The following CDH12 variants were observed in gnomAD, a reference collection of about 807,000 sequenced individuals.
The protein encoded by CDH12 is cadherin-12.
In CDH12, 41 loss-of-function variants were observed where a neutral mutation model predicts 74.1. The observed-to-expected ratio is 0.55, with a 90% CI of 0.43 to 0.72. The LOEUF is 0.72. CDH12 is among the 30% of genes least tolerant of loss of function. The pLI, the probability that CDH12 is intolerant of heterozygous loss-of-function variation, is 0.00. For missense variants in CDH12, 945 were observed against 977.2 expected (o/e 0.97, Z 0.44); for synonymous variants, 399 against 355.0 (o/e 1.12, Z -1.39).
intron 3 of CDH12, among the ~76,000 whole-genome samples, chr5:22,378,750 T>C (rs1457977509): frequency 6.6e-6 from 1 of 152,126 alleles, no homozygotes; most frequent in Non-Finnish European, 1.5e-5. Flanking sequence ...AATTGTGTTA[T>C]GCTTTTTGAG....
At chr5:21,866,223 A>G (rs1463239561) in intron 6 of CDH12, among the ~76,000 whole-genome samples, 1 of 152,182 alleles carries the variant, frequency 6.6e-6, no homozygotes, top group Non-Finnish European at 1.5e-5. Flanking sequence ...GGACTAATAC[A>G]GCAAATTGGT....
intron 4 of CDH12, among the ~76,000 whole-genome samples, chr5:22,210,613 A>G (rs968331787): frequency 6.6e-6 from 1 of 152,110 alleles, no homozygotes; most frequent in African/African-American, 2.4e-5. Context: ...TTAAACATAG[A>G]TATTTCATTA....
chr5:22,465,145 T>C (rs1745677069), intron 2 of CDH12, among the ~76,000 whole-genome samples: 1 of 152,148 alleles, frequency 6.6e-6, no homozygotes, highest in Non-Finnish European at 1.5e-5. Flanking sequence ...CTAAATTCAA[T>C]ACTGACTTCT....
At chr5:22,384,091 A>T (rs1378285371) in intron 3 of CDH12, among the ~76,000 whole-genome samples, 1 of 152,074 alleles carries the variant, frequency 6.6e-6, no homozygotes, top group Non-Finnish European at 1.5e-5. Flanking sequence ...TAACTATTTT[A>T]TATCTGTCTG....
chr5:22,045,596 T>C (rs1031914883), intron 5 of CDH12, among the ~76,000 whole-genome samples: 1 of 133,614 alleles, frequency 7.5e-6, no homozygotes, highest in Non-Finnish European at 1.5e-5. Context: ...TGGTACACTA[T>C]TCAGCCAAAA....
intron 8 of CDH12, among the ~76,000 whole-genome samples, chr5:21,823,311 T>C (rs1748474357): frequency 6.6e-6 from 1 of 152,118 alleles, no homozygotes; most frequent in African/African-American, 2.4e-5. Flanking sequence ...CAAACAGAAG[T>C]AACCATATGA....
intron 1 of CDH12, among the ~76,000 whole-genome samples, chr5:22,575,867 AT>A (rs891002288): frequency 2.1e-4 from 31 of 150,214 alleles, no homozygotes; most frequent in Admixed American, 9.3e-4. Flanking sequence ...GCCTGGCCTT[AT>A]TTTTTTTTAT....
intron 6 of CDH12, among the ~76,000 whole-genome samples, chr5:21,953,736 G>A (rs1329006873): frequency 6.6e-6 from 1 of 152,112 alleles, no homozygotes; most frequent in Non-Finnish European, 1.5e-5. Flanking sequence ...ACTACAGTGT[G>A]ATAATGTTTT....
At chr5:22,501,688 G>A (rs1188144616) in intron 2 of CDH12, among the ~76,000 whole-genome samples, 1 of 150,308 alleles carries the variant, frequency 6.7e-6, no homozygotes, top group Admixed American at 6.6e-5. Context: ...ACCTGCCAGG[G>A]AATATCACAT....
intron 1 of CDH12, among the ~76,000 whole-genome samples, chr5:22,809,600 T>A (rs1368254967): frequency 3.3e-5 from 5 of 151,838 alleles, no homozygotes; most frequent in Non-Finnish European, 7.4e-5. Context: ...TTTAAAAAAA[T>A]AAATTGATTT....
intron 1 of CDH12, among the ~76,000 whole-genome samples, chr5:22,751,932 A>C (rs1283633741): frequency 2.7e-5 from 4 of 150,210 alleles, no homozygotes; most frequent in African/African-American, 4.9e-5. Context: ...GTATTCTCAG[A>C]GTATAGCCAG....
intron 5 of CDH12, among the ~76,000 whole-genome samples, chr5:21,979,167 T>C (rs1757200182): frequency 6.6e-6 from 1 of 152,206 alleles, no homozygotes; most frequent in Non-Finnish European, 1.5e-5. Flanking sequence ...AACTAACAGC[T>C]AGAAATATTT....
chr5:22,435,808 T>C (rs1744362913), intron 2 of CDH12, among the ~76,000 whole-genome samples: 1 of 151,940 alleles, frequency 6.6e-6, no homozygotes, highest in Non-Finnish European at 1.5e-5. Flanking sequence ...ACCTCCCAGA[T>C]CGATAAACTG....
chr5:22,243,537 G>A (rs542185549), intron 3 of CDH12, among the ~76,000 whole-genome samples: 1 of 152,244 alleles, frequency 6.6e-6, no homozygotes, highest in African/African-American at 2.4e-5. Context: ...ACAAAAAAAG[G>A]TATGCGGAAA....
At chr5:22,649,967 A>C (rs142574212) in intron 1 of CDH12, among the ~76,000 whole-genome samples, 5 of 152,114 alleles carry the variant, frequency 3.3e-5, no homozygotes, top group Admixed American at 3.3e-4. Flanking sequence ...TATTTTACCG[A>C]ATAGTTATAT....
chr5:22,049,873 A>C (rs981939250), intron 5 of CDH12, among the ~76,000 whole-genome samples: 2 of 152,092 alleles, frequency 1.3e-5, no homozygotes, highest in African/African-American at 4.8e-5. Flanking sequence ...TCCATATTCG[A>C]TGTATGCCCA....
At chr5:22,315,677 G>T (rs1270814222) in intron 3 of CDH12, among the ~76,000 whole-genome samples, 4 of 152,246 alleles carry the variant, frequency 2.6e-5, no homozygotes, top group South Asian at 4.2e-4. Flanking sequence ...CAAAAAAAAT[G>T]TATTTTTTAG....
chr5:22,837,720 C>G (rs1581050153), intron 1 of CDH12, among the ~76,000 whole-genome samples: 2 of 152,076 alleles, frequency 1.3e-5, no homozygotes, highest in African/African-American at 4.8e-5. Context: ...GAAATTAAAA[C>G]AGGCTGATTA....
chr5:21,994,701 A>T (rs1453288193), intron 5 of CDH12, among the ~76,000 whole-genome samples: 2 of 152,210 alleles, frequency 1.3e-5, no homozygotes, highest in Non-Finnish European at 2.9e-5. Flanking sequence ...TGAAATTGAG[A>T]GGTGAAGCCG....
Sources: allele counts gnomAD v4.1 joint callset (sites outside exome capture counted in the v4.1 genomes callset), GRCh38; gene constraint gnomAD v4.1.1; transcripts MANE v1.5; gene names NCBI Gene and HGNC (gene_info 2026-07-23, HGNC 2026-07-21).